Variants in STXBP5L observed in about 807,000 individuals in gnomAD.
STXBP5L encodes the protein syntaxin binding protein 5L.
Under a neutral mutation model 144.5 loss-of-function variants are expected in STXBP5L, and 65 were observed. That is an observed-to-expected ratio of 0.45 (90% CI 0.37 to 0.55). STXBP5L has a LOEUF of 0.55. Among genes scored for constraint, STXBP5L ranks in the 20% least tolerant of loss-of-function variants. The pLI, the probability that STXBP5L is intolerant of heterozygous loss-of-function variation, is 0.00. For synonymous variants in STXBP5L, 505 were observed against 469.6 expected (o/e 1.08, Z -0.97); for missense variants, 1,298 against 1,405.5 (o/e 0.92, Z 1.22).
At chr3:120,940,907 C>CATAT (rs933892190) in intron 2 of STXBP5L, among the ~76,000 whole-genome samples, 1 of 150,394 alleles carries the variant, frequency 6.6e-6, no homozygotes, top group African/African-American at 2.4e-5. Context: ...TATGTTTTAA[C>CATAT]ATATATATAT....
chr3:121,155,724 T>G (rs1245101505), intron 8 of STXBP5L, among the ~76,000 whole-genome samples: 1 of 151,850 alleles, frequency 6.6e-6, no homozygotes, highest in Non-Finnish European at 1.5e-5. Flanking sequence ...TACTCAGTAA[T>G]GCACTATATG....
At position 121,245,900 on chromosome 3, in the gene STXBP5L, G is replaced by A. The variant is rs1024555879; in HGVS notation, c.1401-4823G>A. Among the ~76,000 whole-genome samples, 3 of 152,092 alleles carry A rather than the reference G, an allele frequency of 2.0e-5. No individual in the cohort carries two copies. In the South Asian group the frequency reaches 6.2e-4, roughly 31 times the overall value. ...GATCAACTAGACAAAAGATCAAGAA[G>A]GAAACAGGGTATTTGAAAAACACTA... On this transcript the variant is annotated intron_variant, in intron 14 of 26. Coordinates refer to ENST00000471454, the MANE Select transcript of STXBP5L (RefSeq NM_001308330.2).
intron 3 of STXBP5L, among the ~76,000 whole-genome samples, chr3:120,976,050 C>G (rs1017390183): frequency 3.9e-5 from 6 of 152,106 alleles, no homozygotes; most frequent in African/African-American, 1.4e-4. Context: ...CAGGATGATG[C>G]TGGCCTCATA....
intron 20 of STXBP5L, among the ~76,000 whole-genome samples, chr3:121,350,055 A>C (rs1463408902): frequency 6.6e-6 from 1 of 152,060 alleles, no homozygotes; most frequent in Admixed American, 6.6e-5. Context: ...CCCTAGCCTC[A>C]ATGGTCTTTA....
chr3:121,405,044 A>AGG (rs1239094787), intron 22 of STXBP5L, among the ~76,000 whole-genome samples: 1 of 151,868 alleles, frequency 6.6e-6, no homozygotes, highest in Admixed American at 6.6e-5. Context: ...ACACATAGGG[A>AGG]GGGGGAGAGA....
intron 19 of STXBP5L, among the ~76,000 whole-genome samples, chr3:121,301,220 C>T (rs979875697): frequency 1.3e-5 from 2 of 152,132 alleles, no homozygotes; most frequent in African/African-American, 2.4e-5. Context: ...TCCTTTATTT[C>T]GTTGAGCAGT....
At chr3:121,039,973 T>C (rs1246416433) in intron 3 of STXBP5L, among the ~76,000 whole-genome samples, 2 of 152,100 alleles carry the variant, frequency 1.3e-5, no homozygotes, top group African/African-American at 2.4e-5. Flanking sequence ...GATGGATGGA[T>C]AGATAGATCT....
At chr3:121,114,775 A>G (rs2044157817) in intron 5 of STXBP5L, 150 bp from the exon 6 acceptor site, 5 of 442,006 alleles carry the variant, frequency 1.1e-5, no homozygotes, top group Non-Finnish European at 1.9e-5. Flanking sequence ...TATTTATCCT[A>G]TACTCTCAAT....
chr3:121,126,559 AAAGAT>A (rs2044712538), intron 7 of STXBP5L, among the ~76,000 whole-genome samples: 1 of 152,190 alleles, frequency 6.6e-6, no homozygotes, highest in Non-Finnish European at 1.5e-5. Flanking sequence ...TCTCTGCTAG[AAAGAT>A]AAGATAAAGG....
chr3:121,362,827 C>CTGA (rs1478400011), intron 20 of STXBP5L, among the ~76,000 whole-genome samples: 2 of 152,146 alleles, frequency 1.3e-5, no homozygotes, highest in African/African-American at 4.8e-5. Flanking sequence ...GCCACCACAG[C>CTGA]TGATAATGTG....
intron 9 of STXBP5L, among the ~76,000 whole-genome samples, chr3:121,184,989 A>G (rs2047315508): frequency 6.6e-6 from 1 of 152,210 alleles, no homozygotes; most frequent in Admixed American, 6.5e-5. Context: ...GGAGAAATAA[A>G]ATCCTTTACA....
At chr3:121,156,694 TATA>T (rs774805774) in intron 8 of STXBP5L, among the ~76,000 whole-genome samples, 1 of 151,858 alleles carries the variant, frequency 6.6e-6, no homozygotes, top group Admixed American at 6.6e-5. Context: ...TTCAACTAAC[TATA>T]ATAGGAAATA....
chr3:121,358,393 G>C lies in STXBP5L; in HGVS notation c.2177-20323G>C, dbSNP rs113998977. ...ACTCACAGTTCCACATGGCTGGGGA[G>C]GCCTCAGAAAACTTATACTCATGGT... On this transcript the variant is annotated intron_variant, in intron 20 of 26. Transcript: ENST00000471454. Among the ~76,000 whole-genome samples, 724 of 152,236 alleles carry C rather than the reference G, an allele frequency of 4.8e-3. 6 individuals carry two copies. Among genetic ancestry groups the C allele is most frequent in the African/African-American group, 0.016 (684 of 41,528 alleles).
intron 20 of STXBP5L, among the ~76,000 whole-genome samples, chr3:121,377,217 T>C (rs2046209720): frequency 6.6e-6 from 1 of 152,212 alleles, no homozygotes; most frequent in South Asian, 2.1e-4. Context: ...GAATACCCTT[T>C]ATTTCTTTCT....
At chr3:121,282,208 C>CTTTTTT in intron 19 of STXBP5L, 1 of 1,549,502 alleles carries the variant, frequency 6.5e-7, no homozygotes, top group African/African-American at 1.4e-5. Flanking sequence ...TCACTTTAGA[C>CTTTTTT]TTTTTTTTCT....
At chr3:121,039,901 A>G (rs1947026568) in intron 3 of STXBP5L, among the ~76,000 whole-genome samples, 1 of 151,884 alleles carries the variant, frequency 6.6e-6, no homozygotes, top group Non-Finnish European at 1.5e-5. Context: ...AAGTTCACTA[A>G]TCCTCAATGA....
intron 3 of STXBP5L, among the ~76,000 whole-genome samples, chr3:121,036,463 GCT>G (rs1239785642): frequency 1.3e-5 from 2 of 152,030 alleles, no homozygotes; most frequent in Non-Finnish European, 2.9e-5. Context: ...CAGCCTGCAT[GCT>G]TTTTATTTTT....
intron 2 of STXBP5L, among the ~76,000 whole-genome samples, chr3:120,953,502 CTT>C (rs758605593): frequency 7.6e-5 from 10 of 132,086 alleles, no homozygotes; most frequent in Non-Finnish European, 9.8e-5. Context: ...TGAATTTTTC[CTT>C]TTTTTTTTTT....
At chr3:121,276,809 T>C (rs1408206604) in intron 18 of STXBP5L, among the ~76,000 whole-genome samples, 1 of 151,974 alleles carries the variant, frequency 6.6e-6, no homozygotes, top group Non-Finnish European at 1.5e-5. Flanking sequence ...ATGATTATGA[T>C]GCCTTTTTGT....
Sources: gnomAD v4.1 joint callset for allele counts (sites outside exome capture counted in the v4.1 genomes callset) on GRCh38, gnomAD v4.1.1 for gene constraint, MANE v1.5 for transcripts, NCBI Gene and HGNC (gene_info 2026-07-23, HGNC 2026-07-21) for gene names.